Variants in TRPM6 observed in about 807,000 individuals in gnomAD.
TRPM6 encodes transient receptor potential cation channel subfamily M member 6.
Under a neutral mutation model 247.6 loss-of-function variants are expected in TRPM6, and 111 were observed. That is an observed-to-expected ratio of 0.45 (90% CI 0.38 to 0.52). The LOEUF is 0.52. TRPM6 is among the 20% of genes least tolerant of loss of function. The probability of loss-of-function intolerance (pLI) is 0.00; values close to 1 mark genes in which losing one functional copy is unlikely to be tolerated. For missense variants in TRPM6, 2,126 were observed against 2,421.5 expected (o/e 0.88, Z 2.56); for synonymous variants, 892 against 853.8 (o/e 1.04, Z -0.78).
At chr9:74,725,679 T>C (rs1039090068) in intron 38 of TRPM6, among the ~76,000 whole-genome samples, 5 of 152,202 alleles carry the variant, frequency 3.3e-5, no homozygotes, top group African/African-American at 4.8e-5. Context: ...CCTGCTGCCA[T>C]CCAGGTAAGA....
chr9:74,814,627 C>G (rs1374840760), intron 11 of TRPM6, among the ~76,000 whole-genome samples: 4 of 152,064 alleles, frequency 2.6e-5, no homozygotes, highest in Non-Finnish European at 5.9e-5. Flanking sequence ...TTAATAGATT[C>G]ATAGTATGCT....
chr9:74,855,495 G>A lies in TRPM6; in HGVS notation c.152+32C>T, dbSNP rs200581611. Reference sequence around the variant, plus strand: ...TGAATTTTAAATAGGGTGCCTAAAAGCTAAAAGGAATCTTGCTTATCTAAG... The same window carrying A: ...TGAATTTTAAATAGGGTGCCTAAAAACTAAAAGGAATCTTGCTTATCTAAG... On this transcript the variant is annotated intron_variant, in intron 3 of 38. Coordinates refer to ENST00000360774, the MANE Select transcript of TRPM6 (RefSeq NM_017662.5). 255 of 1,547,554 alleles carry A rather than the reference G, an allele frequency of 1.6e-4. 1 individual carries two copies. The East Asian group carries it at 5.6e-3, about 34-fold the overall frequency.
chr9:74,761,510 G>C (rs1044109470), intron 27 of TRPM6, among the ~76,000 whole-genome samples, 186 bp downstream of exon 27: 1 of 152,092 alleles, frequency 6.6e-6, no homozygotes, highest in Non-Finnish European at 1.5e-5. Context: ...AGAGGTTCAA[G>C]GTCAGCCTGG....
At chr9:74,851,664 G>A (rs969282779) in intron 3 of TRPM6, among the ~76,000 whole-genome samples, 7 of 151,268 alleles carry the variant, frequency 4.6e-5, no homozygotes, top group African/African-American at 1.2e-4. Flanking sequence ...CACGAGAATC[G>A]CTTGAACCTG....
chr9:74,851,700 G>T (rs1318648261), intron 3 of TRPM6, among the ~76,000 whole-genome samples: 1 of 150,226 alleles, frequency 6.7e-6, no homozygotes, highest in East Asian at 1.9e-4. Flanking sequence ...GGTGAGCCAA[G>T]ATTGCGCCAC....
chr9:74,865,198 C>T (rs1324728061), intron 1 of TRPM6, among the ~76,000 whole-genome samples: 1 of 152,072 alleles, frequency 6.6e-6, no homozygotes. Context: ...TCAACAGTAA[C>T]CTTCCAAGTA....
At chr9:74,783,917 C>T (rs1424227283) in intron 21 of TRPM6, among the ~76,000 whole-genome samples, 1 of 152,122 alleles carries the variant, frequency 6.6e-6, no homozygotes, top group Non-Finnish European at 1.5e-5. Flanking sequence ...TCTTGAGACA[C>T]TGTACTTATT....
chr9:74,770,705 G>A (rs1827005118), intron 25 of TRPM6, among the ~76,000 whole-genome samples: 1 of 151,966 alleles, frequency 6.6e-6, no homozygotes, highest in Non-Finnish European at 1.5e-5. Context: ...CCTGCTTCGG[G>A]CAAAAAGCCA....
chr9:74,842,226 G>A lies in TRPM6; in HGVS notation c.270C>T (p.Ser90=), dbSNP rs367588858. 5.6e-6 allele frequency: 9 copies of A among 1,613,856 alleles called. No individual in the cohort carries two copies. The African/African-American group carries it at 1.2e-4, about 22-fold the overall frequency. The part of the protein sequence containing the change: ...QWSVEKHTTK[S]PTDTFGTINF... ...TAATCGTGCCAAAAGTATCTGTTGG[G>A]CTTTTCGTTGTGTGCTTTTCAACAG... Residue 90 remains serine, a synonymous_variant, in exon 4 of 39, where the codon AGC becomes AGT. Coordinates refer to ENST00000360774, the MANE Select transcript of TRPM6 (RefSeq NM_017662.5).
At chr9:74,744,279 T>C in intron 31 of TRPM6, 134 bp from the exon 32 acceptor site, 1 of 934,794 alleles carries the variant, frequency 1.1e-6, no homozygotes, top group Non-Finnish European at 1.7e-6. Context: ...AAAGCTTGCC[T>C]AATATTTTTT....
chr9:74,854,529 A>T (rs1830462586), intron 3 of TRPM6, among the ~76,000 whole-genome samples: 1 of 152,202 alleles, frequency 6.6e-6, no homozygotes, highest in Non-Finnish European at 1.5e-5. Flanking sequence ...AAAGAAAAAA[A>T]TTGAGGAAAA....
In TRPM6 at chr9:74,831,072, GA is replaced by G. The variant is rs1239746428; in HGVS notation, c.669+2925del. On this transcript the variant is annotated intron_variant, in intron 6 of 38. Transcript: ENST00000360774. Reference sequence around the variant, plus strand: ...TATTATTATTATTATCCTCAAAAGTGAAAAACAGAACATGACCTAAATGGAC... The same window carrying G: ...TATTATTATTATTATCCTCAAAAGTGAAAACAGAACATGACCTAAATGGAC... Among the ~76,000 whole-genome samples, 5 of 152,062 alleles carry G rather than the reference GA, an allele frequency of 3.3e-5. No individual in the cohort carries two copies. The South Asian group carries it at 1.0e-3, about 32-fold the overall frequency.
At chr9:74,772,798 A>G (rs1827093275) in intron 24 of TRPM6, among the ~76,000 whole-genome samples, 2 of 152,214 alleles carry the variant, frequency 1.3e-5, no homozygotes, top group African/African-American at 2.4e-5. Context: ...ACTTGAGATC[A>G]GGAGTTCAAG....
chr9:74,799,765 T>C (rs1394509363), intron 17 of TRPM6: 1 of 174,442 alleles, frequency 5.7e-6, no homozygotes, highest in Non-Finnish European at 1.2e-5. Context: ...CTCACCTTTG[T>C]GGTGGACAGG....
chr9:74,772,877 G>A (rs954144409), intron 24 of TRPM6, among the ~76,000 whole-genome samples: 1 of 152,044 alleles, frequency 6.6e-6, no homozygotes, highest in Non-Finnish European at 1.5e-5. Flanking sequence ...TTCCTCTCTC[G>A]GCTTTGGAGC....
At position 74,821,405 on chromosome 9, in the gene TRPM6, C is replaced by G. The variant is rs76635062; in HGVS notation, c.1010+264G>C. Among the ~76,000 whole-genome samples, 571 of 152,280 alleles carry G rather than the reference C, an allele frequency of 3.7e-3. 43 individuals are homozygous for G. The East Asian group carries it at 0.094, about 25-fold the overall frequency. On this transcript the variant is annotated intron_variant, in intron 8 of 38. Coordinates refer to ENST00000360774, the MANE Select transcript of TRPM6 (RefSeq NM_017662.5). ...CTCAAGCCACACCTCCCTCACTCCC[C>G]CTGCAAACACCTTTTCCCCAAAGTT...
intron 3 of TRPM6, among the ~76,000 whole-genome samples, chr9:74,852,322 G>C (rs1403404819): frequency 6.6e-6 from 1 of 151,592 alleles, no homozygotes; most frequent in Non-Finnish European, 1.5e-5. Flanking sequence ...CTCCTGAGTA[G>C]CTAGGACTAC....
intron 1 of TRPM6, among the ~76,000 whole-genome samples, chr9:74,869,401 C>A (rs1365578922): frequency 2.0e-5 from 3 of 147,420 alleles, no homozygotes; most frequent in Non-Finnish European, 4.5e-5. Context: ...ACCCAGGAGG[C>A]GGAGGTAACG....
intron 1 of TRPM6, 145 bp downstream of exon 1, chr9:74,887,679 C>T: frequency 6.2e-7 from 1 of 1,605,038 alleles, no homozygotes. Flanking sequence ...ACTTGAAAGC[C>T]GGTATTTCAT....
Sources: allele counts gnomAD v4.1 joint callset (sites outside exome capture counted in the v4.1 genomes callset), GRCh38; gene constraint gnomAD v4.1.1; transcripts MANE v1.5; gene names NCBI Gene and HGNC (gene_info 2026-07-23, HGNC 2026-07-21).